ABCA1: variants seen among roughly 807,000 people sequenced by gnomAD.
ABCA1 encodes the protein ATP binding cassette subfamily A member 1.
Under a neutral mutation model 262.5 loss-of-function variants are expected in ABCA1, and 133 were observed. The ratio of observed to expected loss-of-function variants is 0.51; its 90% confidence interval spans 0.44 to 0.59. The LOEUF is 0.59. Ranked by LOEUF, ABCA1 falls within the 20% of genes least tolerant of loss-of-function variation. The probability of loss-of-function intolerance (pLI) is 0.00; values close to 1 mark genes in which losing one functional copy is unlikely to be tolerated. For synonymous variants in ABCA1, 1,022 were observed against 1,043.5 expected, an observed-to-expected ratio of 0.98 and a Z score of 0.40; for missense variants, 2,452 against 2,777.5, an observed-to-expected ratio of 0.88 and a Z score of 2.63.
At chr9:104,869,042 G>A (rs1425426175) in intron 5 of ABCA1, among the ~76,000 whole-genome samples, 1 of 152,050 alleles carries the variant, frequency 6.6e-6, no homozygotes, top group African/African-American at 2.4e-5. Flanking sequence ...AAAGAAGGAG[G>A]AAAGGAGAGG....
intron 1 of ABCA1, among the ~76,000 whole-genome samples, chr9:104,924,799 A>G (rs1842338087): frequency 6.6e-6 from 1 of 152,170 alleles, no homozygotes; most frequent in South Asian, 2.1e-4. Flanking sequence ...GCCACTACAT[A>G]TATAGCTTAA....
intron 1 of ABCA1, among the ~76,000 whole-genome samples, chr9:104,912,786 G>C (rs911500342): frequency 6.6e-6 from 1 of 151,588 alleles, no homozygotes; most frequent in African/African-American, 2.4e-5. Context: ...CTTTCCTCTA[G>C]AAAAGAAATC....
intron 5 of ABCA1, among the ~76,000 whole-genome samples, chr9:104,871,232 A>G (rs1269834206): frequency 6.6e-6 from 1 of 152,174 alleles, no homozygotes; most frequent in Non-Finnish European, 1.5e-5. Context: ...CTCACCAGAC[A>G]CCAAACCTGC....
intron 6 of ABCA1, among the ~76,000 whole-genome samples, chr9:104,860,962 G>A (rs563905489): frequency 4.9e-4 from 74 of 152,112 alleles, no homozygotes; most frequent in African/African-American, 1.7e-3. Context: ...TGCCATGTTG[G>A]CCAGGATGGT....
In ABCA1 at chr9:104,814,198, G is replaced by T. The variant is rs755797391; in HGVS notation, c.3821C>A (p.Ala1274Asp). 3 of 1,614,188 alleles carry T rather than the reference G, an allele frequency of 1.9e-6. No individual in the cohort carries two copies. Among genetic ancestry groups the T allele is most frequent in the Non-Finnish European group, 2.5e-6 (3 of 1,180,036 alleles). The change falls in exon 27 of 50, where the codon GCC becomes GAC. Residue 1274 changes from alanine to aspartate, a missense_variant. Transcript: ENST00000374736. Reference protein sequence around the residue: ...GTLPARRNRRAFGDKQSCLRP... With the variant: ...GTLPARRNRRDFGDKQSCLRP... ...AAGACAGCTCTGCTTGTCCCCGAAG[G>T]CCCGCCTGTTTCGTCTTGCTGGCAA...
chr9:104,811,248 T>C (rs58695865), intron 28 of ABCA1, among the ~76,000 whole-genome samples: 4,144 of 152,300 alleles, frequency 0.027, 197 homozygotes, highest in African/African-American at 0.095. Context: ...CCCTTCCTCC[T>C]CCTGAAGACT....
chr9:104,825,807 C>A lies in ABCA1; in HGVS notation c.2418G>T (p.Trp806Cys). ...CCACAGGACTCTCAAACAGGTTGTCCCACTGCACTCCAATGCCCTGCTCCT... is the reference window on the plus strand; with the variant it reads ...CCACAGGACTCTCAAACAGGTTGTCACACTGCACTCCAATGCCCTGCTCCT... ...LFEEQGIGVQ[W>C]DNLFESPVEE... is the part of the protein sequence containing the mutation. Residue 806 changes from tryptophan to cysteine, a missense_variant, in exon 17 of 50, where the codon TGG becomes TGT. Physicochemically the swap from Trp to Cys is radical, Grantham distance 215. This residue lies in a region of ABCA1 where 1,032 missense variants were observed against 1,089.7 expected (regional missense o/e 0.95). Coordinates refer to ENST00000374736, the MANE Select transcript of ABCA1 (RefSeq NM_005502.4). The A allele has an allele frequency of 6.2e-7, 1 of 1,614,164 alleles. No homozygotes were observed.
intron 9 of ABCA1, 60 bp downstream of exon 9, chr9:104,840,219 G>A: frequency 6.2e-7 from 1 of 1,612,884 alleles, no homozygotes; most frequent in Middle Eastern, 1.8e-4. Flanking sequence ...CACAGGCCAA[G>A]GCCAGAACTA....
intron 24 of ABCA1, 59 bp from the exon 25 acceptor site, chr9:104,816,404 G>T: frequency 6.5e-7 from 1 of 1,537,334 alleles, no homozygotes; most frequent in Non-Finnish European, 9.0e-7. Flanking sequence ...CGGAGTGAGG[G>T]CTGGCCATCC....
rs917390496 is a variant in ABCA1 at position 104,782,490 on chromosome 9, A to G, written c.*1825T>C. ...AACTTCCCCAAACAATAGTTCTCTC[A>G]TATTTTTCTTTTCTCTCAAGACAGT... On this transcript the variant is annotated 3_prime_UTR_variant, in exon 50 of 50. Coordinates refer to ENST00000374736, the MANE Select transcript of ABCA1 (RefSeq NM_005502.4). 6.6e-6 allele frequency: 1 copy of G among 152,168 alleles called. No individual in the cohort carries two copies. Among genetic ancestry groups the G allele is most frequent in the Non-Finnish European group, 1.5e-5 (1 of 68,012 alleles). The allele number at this position is 152,168 out of a possible 1,614,324, so 9.4% of individuals were successfully genotyped here. A position where few individuals can be genotyped will look rare whatever the true frequency, so the allele number is the denominator to read the frequency against.
intron 2 of ABCA1, among the ~76,000 whole-genome samples, chr9:104,891,897 G>A (rs1014255799): frequency 2.7e-5 from 4 of 148,226 alleles, no homozygotes; most frequent in Admixed American, 1.4e-4. Context: ...CCTGGGAAGC[G>A]GAGGTTGCTG....
At position 104,799,934 on chromosome 9, in the gene ABCA1, T is replaced by C; in HGVS notation, c.4828A>G (p.Asn1610Asp). 6.2e-7 allele frequency: 1 copy of C among 1,614,164 alleles called. No individual in the cohort carries two copies. The highest frequency in any genetic ancestry group is 1.7e-5 in the Admixed American group (1 of 60,020). Residue 1610 changes from asparagine to aspartate, a missense_variant, in exon 36 of 50, where the codon AAC becomes GAC. Asn to Asp is a conservative substitution (Grantham distance 23). Transcript: ENST00000374736. ...HAISSFLNVINNAILRANLQK... is the reference protein window; with the variant it reads ...HAISSFLNVIDNAILRANLQK... ...AGGTTGGCCCGGAGAATGGCATTGTTGATGACATTCAGGAAAGAGCTGATT... is the reference window on the plus strand; with the variant it reads ...AGGTTGGCCCGGAGAATGGCATTGTCGATGACATTCAGGAAAGAGCTGATT...
chr9:104,782,456 G>A lies in ABCA1; in HGVS notation c.*1859C>T, dbSNP rs531076750. ...GAAGAAGTTAGTAATGATATTGAAAGATCACTTGAACTTCCCCAAACAATA... is the reference window on the plus strand; with the variant it reads ...GAAGAAGTTAGTAATGATATTGAAAAATCACTTGAACTTCCCCAAACAATA... On this transcript the variant is annotated 3_prime_UTR_variant, in exon 50 of 50. Transcript: ENST00000374736. 2 of 152,256 alleles carry A rather than the reference G, an allele frequency of 1.3e-5. No individual in the cohort carries two copies. The highest frequency in any genetic ancestry group is 4.8e-5 in the African/African-American group (2 of 41,562). 9.4% of individuals were successfully genotyped at this position (152,256 alleles called of 1,614,324 possible).
chr9:104,826,772 A>C (rs1273092264), intron 16 of ABCA1, among the ~76,000 whole-genome samples, 176 bp downstream of exon 16: 1 of 152,204 alleles, frequency 6.6e-6, no homozygotes, highest in African/African-American at 2.4e-5. Context: ...AAGGTAAACA[A>C]TTTAATAAAA....
intron 2 of ABCA1, among the ~76,000 whole-genome samples, chr9:104,902,575 G>A (rs1564280536): frequency 6.6e-6 from 1 of 152,110 alleles, no homozygotes. Flanking sequence ...ATATGTATGG[G>A]TCATATAGTT....
intron 8 of ABCA1, among the ~76,000 whole-genome samples, chr9:104,841,531 T>C (rs974969134): frequency 8.5e-5 from 13 of 152,206 alleles, no homozygotes; most frequent in African/African-American, 1.7e-4. Flanking sequence ...AGTCACGTCA[T>C]GTCTCTGAGT....
At chr9:104,862,639 C>CTGGAGAGCTTGTTAAAATGCAGACTGCT in intron 5 of ABCA1, among the ~76,000 whole-genome samples, 1 of 5,392 alleles carries the variant, frequency 1.9e-4, no homozygotes. Flanking sequence ...ACTGCCGGGC[C>CTGGAGAGCTTGTTAAAATGCAGACTGCT]GGGCCGGGCC....
Position 104,784,417 on chromosome 9 carries a change from G to A in ABCA1, c.6684C>T (p.Asp2228=), listed in dbSNP as rs767111293. Residue 2228 remains aspartate, a synonymous_variant, in exon 50 of 50, where the codon GAC becomes GAT. Transcript: ENST00000374736. ...VNFAKDQSDD[D]HLKDLSLHKN... ...TGTGTAATGAGAGGTCTTTTAAGTG[G>A]TCATCATCACTTTGGTCCTTGGCAA... 7.4e-6 allele frequency: 12 copies of A among 1,613,884 alleles called. No homozygotes were observed. The highest frequency in any genetic ancestry group is 4.4e-5 in the South Asian group (4 of 91,078).
chr9:104,869,497 G>A (rs1465128431), intron 5 of ABCA1, among the ~76,000 whole-genome samples: 8 of 152,144 alleles, frequency 5.3e-5, no homozygotes, highest in African/African-American at 1.9e-4. Flanking sequence ...GTGTCTTTAT[G>A]GTATTTTTTT....
Sources: allele counts gnomAD v4.1 joint callset (sites outside exome capture counted in the v4.1 genomes callset), GRCh38; gene constraint gnomAD v4.1.1; regional missense constraint gnomAD v4.1.1; transcripts MANE v1.5; gene names NCBI Gene and HGNC (gene_info 2026-07-23, HGNC 2026-07-21).